EXTL2: variants seen among roughly 807,000 people sequenced by gnomAD.
EXTL2 encodes the protein exostosin like glycosyltransferase 2, also known as exostosin-like 2.
In EXTL2, 23 loss-of-function variants were observed where a neutral mutation model predicts 30.7. The observed-to-expected ratio is 0.75, with a 90% confidence interval of 0.54 to 1.06. The LOEUF (loss-of-function observed/expected upper bound fraction) is 1.06, where lower values mean the gene tolerates loss of function less well. Among genes scored for constraint, EXTL2 ranks in the 50% least tolerant of loss-of-function variants. The probability of loss-of-function intolerance (pLI) is 0.00; values close to 1 mark genes in which losing one functional copy is unlikely to be tolerated. For synonymous variants in EXTL2, 123 were observed against 133.8 expected, an observed-to-expected ratio of 0.92 and a Z score of 0.56; for missense variants, 352 against 396.3, an observed-to-expected ratio of 0.89 and a Z score of 0.95.
At chr1:100,888,546 G>A in intron 2 of EXTL2, 1 of 372,596 alleles carries the variant, frequency 2.7e-6, no homozygotes, top group Non-Finnish European at 4.9e-6. Flanking sequence ...GCCAGGGGCT[G>A]GGAGTAGGAA....
chr1:100,894,292 T>C (rs1650675812), intron 1 of EXTL2, among the ~76,000 whole-genome samples: 1 of 152,074 alleles, frequency 6.6e-6, no homozygotes, highest in African/African-American at 2.4e-5. Flanking sequence ...AGAGTAAAAT[T>C]CAAGGTCTAC....
intron 2 of EXTL2, among the ~76,000 whole-genome samples, chr1:100,884,200 A>G (rs1216139263): frequency 1.3e-5 from 2 of 152,212 alleles, no homozygotes; most frequent in Non-Finnish European, 2.9e-5. Flanking sequence ...AGAAGCTGTC[A>G]TTTTTATTTT....
At chr1:100,876,675 CTT>C in intron 4 of EXTL2, 117 bp downstream of exon 4, 1 of 625,310 alleles carries the variant, frequency 1.6e-6, no homozygotes, top group Non-Finnish European at 2.7e-6. Flanking sequence ...ATTCATCCAT[CTT>C]TTAGATAAAT....
intron 4 of EXTL2, among the ~76,000 whole-genome samples, chr1:100,875,717 TA>T (rs1256193533): frequency 6.6e-6 from 1 of 152,078 alleles, no homozygotes; most frequent in African/African-American, 2.4e-5. Flanking sequence ...TTTTTAAAAA[TA>T]AAACCTGAAA....
chr1:100,891,470 G>A (rs1341851805), intron 1 of EXTL2, among the ~76,000 whole-genome samples: 1 of 152,164 alleles, frequency 6.6e-6, no homozygotes, highest in Admixed American at 6.5e-5. Flanking sequence ...AAAACTCAGG[G>A]ATCAGAGTTT....
chr1:100,874,748 G>T (rs1356141584), intron 4 of EXTL2, among the ~76,000 whole-genome samples: 4 of 152,016 alleles, frequency 2.6e-5, no homozygotes, highest in Non-Finnish European at 4.4e-5. Flanking sequence ...AAAATGTGCT[G>T]CGAGAAAAGT....
chr1:100,883,926 C>A (rs966199790), intron 2 of EXTL2, among the ~76,000 whole-genome samples: 4 of 152,140 alleles, frequency 2.6e-5, no homozygotes, highest in Non-Finnish European at 5.9e-5. Flanking sequence ...AGTACAAATT[C>A]TGTCATGGAT....
At chr1:100,879,454 C>T (rs1649394914) in intron 2 of EXTL2, among the ~76,000 whole-genome samples, 1 of 152,020 alleles carries the variant, frequency 6.6e-6, no homozygotes, top group South Asian at 2.1e-4. Context: ...AAACAAAAAC[C>T]AATCAGGAGT....
chr1:100,878,565 T>C, intron 2 of EXTL2: 2 of 436,188 alleles, frequency 4.6e-6, no homozygotes, highest in South Asian at 3.3e-5. Context: ...GGGTAGCGGG[T>C]ATGAAGAGAA....
At chr1:100,889,715 G>A (rs769970215) in intron 1 of EXTL2, among the ~76,000 whole-genome samples, 51 of 152,266 alleles carry the variant, frequency 3.3e-4, no homozygotes, top group South Asian at 1.0e-3. Flanking sequence ...CCAGTGGGGC[G>A]GTCATTAAAT....
At chr1:100,891,300 T>C (rs1650406077) in intron 1 of EXTL2, among the ~76,000 whole-genome samples, 1 of 152,230 alleles carries the variant, frequency 6.6e-6, no homozygotes, top group Non-Finnish European at 1.5e-5. Context: ...TATGACCGTA[T>C]TATTGTTTTT....
upstream of EXTL2, chr1:100,895,081 T>TG (rs1650790120): frequency 6.6e-6 from 1 of 152,254 alleles, no homozygotes; most frequent in Admixed American, 6.5e-5. Flanking sequence ...GAAAGGCCTG[T>TG]GGGGCTCTCC....
rs1038127999 is a variant in EXTL2 at position 100,874,218 on chromosome 1, A to G, written c.717T>C (p.Asp239=). 12 of 1,612,798 alleles carry G rather than the reference A, an allele frequency of 7.4e-6. No homozygotes were observed. The highest frequency in any genetic ancestry group is 5.3e-5 in the African/African-American group (4 of 74,832). The stretch of plus-strand genomic sequence containing the variant: ...TGGCAATATCATCACAGTTTTGAGT[A>G]TCATCTATCAAAGCATGGACAGCTG... ...QPAAVHALID[D]TQNCDDIAMN... Residue 239 remains aspartate (D), a synonymous_variant, in exon 5 of 5, where the codon GAT becomes GAC. Coordinates refer to ENST00000370114, the MANE Select transcript of EXTL2 (RefSeq NM_001033025.3).
At chr1:100,880,312 A>G (rs893751035) in intron 2 of EXTL2, among the ~76,000 whole-genome samples, 2 of 152,148 alleles carry the variant, frequency 1.3e-5, no homozygotes, top group African/African-American at 4.8e-5. Flanking sequence ...TCACTTTTCA[A>G]CAGTCCAGAT....
At chr1:100,875,866 CA>C (rs1242169161) in intron 4 of EXTL2, among the ~76,000 whole-genome samples, 1 of 151,954 alleles carries the variant, frequency 6.6e-6, no homozygotes, top group African/African-American at 2.4e-5. Flanking sequence ...TGAATTATCA[CA>C]TTAGAACTTT....
intron 4 of EXTL2, among the ~76,000 whole-genome samples, chr1:100,876,504 C>G (rs576769859): frequency 6.6e-6 from 1 of 152,110 alleles, no homozygotes; most frequent in South Asian, 2.1e-4. Flanking sequence ...TCTCCTCATT[C>G]TAGTTTTTGC....
intron 2 of EXTL2, chr1:100,888,419 T>G (rs1389865818): frequency 4.8e-6 from 1 of 207,912 alleles, no homozygotes; most frequent in Non-Finnish European, 9.5e-6. Flanking sequence ...TAGATGAATC[T>G]TGAAGACATT....
chr1:100,883,763 T>A (rs1401100594), intron 2 of EXTL2, among the ~76,000 whole-genome samples: 1 of 152,170 alleles, frequency 6.6e-6, no homozygotes, highest in African/African-American at 2.4e-5. Context: ...GGTGCTTACC[T>A]AAGAGTAGAA....
intron 2 of EXTL2, among the ~76,000 whole-genome samples, chr1:100,882,933 A>AAG (rs1649680851): frequency 6.6e-6 from 1 of 152,248 alleles, no homozygotes; most frequent in South Asian, 2.1e-4. Context: ...AGAGAGCTGA[A>AAG]AGAGACTTCA....
Sources: allele counts gnomAD v4.1 joint callset (sites outside exome capture counted in the v4.1 genomes callset), GRCh38; gene constraint gnomAD v4.1.1; transcripts MANE v1.5; gene names NCBI Gene and HGNC (gene_info 2026-07-23, HGNC 2026-07-21).